Variants in MAGI2 observed in about 807,000 individuals in gnomAD.
MAGI2 encodes membrane associated guanylate kinase, WW and PDZ domain containing 2.
A neutral mutation model predicts 133.3 loss-of-function variants in MAGI2; 35 were observed. The observed-to-expected ratio is 0.26, with a 90% confidence interval of 0.20 to 0.35. MAGI2 has a LOEUF of 0.35. Ranked by LOEUF, MAGI2 falls within the 10% of genes least tolerant of loss-of-function variation. The probability of loss-of-function intolerance (pLI) is 1.00; values close to 1 mark genes in which losing one functional copy is unlikely to be tolerated. For synonymous variants in MAGI2, 729 were observed against 710.6 expected (o/e 1.03, Z -0.41); for missense variants, 1,636 against 1,863.4 (o/e 0.88, Z 2.25).
At chr7:79,218,239 C>T (rs929868453) in intron 1 of MAGI2, among the ~76,000 whole-genome samples, 16 of 151,942 alleles carry the variant, frequency 1.1e-4, no homozygotes, top group East Asian at 1.9e-4. Flanking sequence ...ATGTTTCACA[C>T]GCCACACTGT....
chr7:78,911,002 C>G (rs1444892588), intron 2 of MAGI2, among the ~76,000 whole-genome samples: 1 of 152,184 alleles, frequency 6.6e-6, no homozygotes, highest in Non-Finnish European at 1.5e-5. Flanking sequence ...TGCCTTGTAA[C>G]TCCCCTTTCA....
In MAGI2 at chr7:79,453,399, G is replaced by C. The variant is rs1465883615; in HGVS notation, c.-79C>G. On this transcript the variant is annotated 5_prime_UTR_variant, in exon 1 of 22. Transcript: ENST00000354212. ...GTGGTGAGAGAATGAGGATGGAGGA[G>C]CAAGGGGGCCCAGGGGGAAGAACAG... 1 of 1,517,724 alleles carries C rather than the reference G, an allele frequency of 6.6e-7. No homozygotes were observed. Among genetic ancestry groups the C allele is most frequent in the Non-Finnish European group, 8.8e-7 (1 of 1,137,920 alleles). The allele number at this position is 1,517,724 out of a possible 1,614,324, so 94.0% of individuals were successfully genotyped here. A position where few individuals can be genotyped will look rare whatever the true frequency, so the allele number is the denominator to read the frequency against.
intron 3 of MAGI2, among the ~76,000 whole-genome samples, chr7:78,592,861 G>T (rs563181422): frequency 2.6e-4 from 34 of 130,458 alleles, no homozygotes; most frequent in African/African-American, 9.4e-4. Flanking sequence ...TTGAGACAGG[G>T]TCTCGCTCTG....
At chr7:79,132,961 G>A (rs1207173592) in intron 1 of MAGI2, among the ~76,000 whole-genome samples, 1 of 152,042 alleles carries the variant, frequency 6.6e-6, no homozygotes, top group Non-Finnish European at 1.5e-5. Flanking sequence ...TTTGCGAAAT[G>A]TTCATTCATG....
intron 2 of MAGI2, among the ~76,000 whole-genome samples, chr7:78,892,866 A>G (rs1026117918): frequency 1.3e-5 from 2 of 152,162 alleles, no homozygotes; most frequent in Non-Finnish European, 2.9e-5. Flanking sequence ...AACAAAAGCC[A>G]AAATTGACAA....
intron 6 of MAGI2, among the ~76,000 whole-genome samples, chr7:78,483,299 A>G (rs886880526): frequency 1.3e-5 from 2 of 151,944 alleles, no homozygotes; most frequent in Admixed American, 1.3e-4. Context: ...AGTTGTATGC[A>G]TTGAGGAGAA....
chr7:78,857,131 A>G (rs1331543937), intron 2 of MAGI2, among the ~76,000 whole-genome samples: 1 of 152,216 alleles, frequency 6.6e-6, no homozygotes, highest in African/African-American at 2.4e-5. Flanking sequence ...GAAGTTGCTT[A>G]TTAGCTTAAG....
chr7:78,874,271 G>A (rs1232289969), intron 2 of MAGI2, among the ~76,000 whole-genome samples: 2 of 152,012 alleles, frequency 1.3e-5, no homozygotes, highest in Non-Finnish European at 2.9e-5. Flanking sequence ...TGAAAAAATA[G>A]AGAAATTTGC....
At chr7:78,248,624 T>C (rs993765374) in intron 10 of MAGI2, among the ~76,000 whole-genome samples, 2 of 152,098 alleles carry the variant, frequency 1.3e-5, no homozygotes, top group African/African-American at 4.8e-5. Context: ...TGGCTATACT[T>C]AGATAAAATA....
intron 3 of MAGI2, among the ~76,000 whole-genome samples, chr7:78,584,540 A>T (rs1353457591): frequency 6.6e-6 from 1 of 152,156 alleles, no homozygotes; most frequent in Non-Finnish European, 1.5e-5. Flanking sequence ...AAGGTGTTAA[A>T]AGCTTTCTGC....
At chr7:78,187,677 T>C (rs1378867832) in intron 12 of MAGI2, among the ~76,000 whole-genome samples, 1 of 152,196 alleles carries the variant, frequency 6.6e-6, no homozygotes, top group Non-Finnish European at 1.5e-5. Flanking sequence ...GGCACAATTG[T>C]TATTTTTTAA....
At chr7:78,694,922 G>A (rs951399209) in intron 2 of MAGI2, among the ~76,000 whole-genome samples, 1 of 152,128 alleles carries the variant, frequency 6.6e-6, no homozygotes, top group Non-Finnish European at 1.5e-5. Flanking sequence ...TAGGAATACT[G>A]GTTTCCTTAT....
chr7:79,405,438 G>A (rs773871543), intron 1 of MAGI2, among the ~76,000 whole-genome samples: 10 of 152,048 alleles, frequency 6.6e-5, no homozygotes, highest in African/African-American at 1.4e-4. Flanking sequence ...GACAGCATTG[G>A]CCAAATTCCA....
intron 2 of MAGI2, among the ~76,000 whole-genome samples, chr7:78,729,247 G>C (rs1265857011): frequency 6.6e-6 from 1 of 152,190 alleles, no homozygotes; most frequent in Non-Finnish European, 1.5e-5. Context: ...ATTACTCCCA[G>C]TCATTTTAAA....
intron 20 of MAGI2, among the ~76,000 whole-genome samples, chr7:78,115,579 T>G (rs567663485): frequency 6.6e-6 from 1 of 152,254 alleles, no homozygotes; most frequent in South Asian, 2.1e-4. Context: ...CAAAAAGCAT[T>G]GACAGAGATA....
At position 78,124,282 on chromosome 7, in the gene MAGI2, T is replaced by A. The variant is rs76736082; in HGVS notation, c.3567+1412A>T. Among the ~76,000 whole-genome samples, 796 of 152,296 alleles carry A rather than the reference T, an allele frequency of 5.2e-3. 4 individuals carry two copies. Among genetic ancestry groups the A allele is most frequent in the African/African-American group, 0.018 (740 of 41,554 alleles). ...GAAGCTGTAGAGCCAGGAAACCATG[T>A]GGAGGCCCATCTTCAAATCAGGGCT... On this transcript the variant is annotated intron_variant, in intron 20 of 21. Transcript: ENST00000354212.
intron 1 of MAGI2, among the ~76,000 whole-genome samples, chr7:79,399,024 T>C (rs1412327490): frequency 6.6e-6 from 1 of 151,610 alleles, no homozygotes; most frequent in Non-Finnish European, 1.5e-5. Flanking sequence ...GCTGTTTTCC[T>C]ACCACCTTAT....
chr7:79,007,003 G>A, intron 2 of MAGI2, 87 bp downstream of exon 2: 3 of 983,678 alleles, frequency 3.0e-6, no homozygotes, highest in Non-Finnish European at 4.4e-6. Context: ...AAAAATAAGT[G>A]CAATTTCACT....
intron 1 of MAGI2, among the ~76,000 whole-genome samples, chr7:79,087,192 C>T (rs1347004708): frequency 6.6e-6 from 1 of 151,774 alleles, no homozygotes; most frequent in Non-Finnish European, 1.5e-5. Flanking sequence ...AATAAAAAAT[C>T]TAAGAACTTT....
Sources: gnomAD v4.1 joint callset for allele counts (sites outside exome capture counted in the v4.1 genomes callset) on GRCh38, gnomAD v4.1.1 for gene constraint, MANE v1.5 for transcripts, NCBI Gene and HGNC (gene_info 2026-07-23, HGNC 2026-07-21) for gene names.